Variants in EDIL3 observed in about 807,000 individuals in gnomAD.
The protein encoded by EDIL3 is EGF like and discoidin domains 3.
A neutral mutation model predicts 67.4 loss-of-function variants in EDIL3; 37 were observed. The observed-to-expected ratio is 0.55, with a 90% CI of 0.42 to 0.72. The LOEUF is 0.72. EDIL3 is among the 30% of genes least tolerant of loss of function. The pLI is 0.00. For synonymous variants in EDIL3, 195 were observed against 196.3 expected (o/e 0.99, Z 0.05); for missense variants, 527 against 586.3 (o/e 0.90, Z 1.04).
intron 6 of EDIL3, among the ~76,000 whole-genome samples, chr5:84,070,501 G>T (rs973876635): frequency 6.6e-6 from 1 of 152,136 alleles, no homozygotes; most frequent in Non-Finnish European, 1.5e-5. Flanking sequence ...TTGCAAGGGG[G>T]ACAAGGGAAC....
At chr5:84,000,552 A>G (rs1256008736) in intron 9 of EDIL3, among the ~76,000 whole-genome samples, 3 of 152,078 alleles carry the variant, frequency 2.0e-5, no homozygotes, top group African/African-American at 7.2e-5. Flanking sequence ...GTAATCTCAA[A>G]TCAAAACACC....
At chr5:84,125,379 G>A (rs1318414579) in intron 5 of EDIL3, among the ~76,000 whole-genome samples, 1 of 151,938 alleles carries the variant, frequency 6.6e-6, no homozygotes, top group African/African-American at 2.4e-5. Flanking sequence ...GTTTTTAGAC[G>A]ATAAGTCATT....
At chr5:84,211,405 G>A (rs929893062) in intron 3 of EDIL3, among the ~76,000 whole-genome samples, 15 of 152,152 alleles carry the variant, frequency 9.9e-5, no homozygotes, top group African/African-American at 3.4e-4. Flanking sequence ...TATGCTTCTT[G>A]TACAACCTGC....
intron 1 of EDIL3, among the ~76,000 whole-genome samples, chr5:84,313,421 C>G (rs1746444734): frequency 6.6e-6 from 1 of 152,124 alleles, no homozygotes; most frequent in African/African-American, 2.4e-5. Flanking sequence ...GGTCACAGAA[C>G]ATAAAACTCA....
chr5:84,317,714 T>C (rs1746544480), intron 1 of EDIL3, among the ~76,000 whole-genome samples: 1 of 152,154 alleles, frequency 6.6e-6, no homozygotes, highest in Non-Finnish European at 1.5e-5. Flanking sequence ...TCATACTGAA[T>C]GGGCAAAAAC....
rs1468750363 is a variant in EDIL3 at position 84,189,086 on chromosome 5, C to T, written c.227-8565G>A. ...CCAGAGTTTTATGTATTAGAATCGG[C>T]TGGCAAAGCACTCATATTATCAGTA... is the stretch of plus-strand genomic sequence containing the variant. On this transcript the variant is annotated intron_variant, in intron 3 of 10. Transcript: ENST00000296591. 2.6e-5 allele frequency among the ~76,000 whole-genome samples: 4 copies of T among 151,954 alleles called. No homozygotes were observed. In the East Asian group the frequency reaches 7.7e-4, roughly 29 times the overall value.
At chr5:83,956,137 A>T (rs1046935113) in intron 10 of EDIL3, among the ~76,000 whole-genome samples, 7 of 151,640 alleles carry the variant, frequency 4.6e-5, no homozygotes, top group Non-Finnish European at 7.4e-5. Flanking sequence ...TTGCACTTAC[A>T]TTGGGCACTA....
rs187947420 is a variant in EDIL3, at chr5:84,183,861, C to A, written c.227-3340G>T. Among the ~76,000 whole-genome samples, 710 of 152,202 alleles carry A rather than the reference C, an allele frequency of 4.7e-3. 2 individuals carry two copies. Among genetic ancestry groups the A allele is most frequent in the Non-Finnish European group, 7.5e-3 (509 of 67,988 alleles). ...TGGCTCACGCCTGTAATCCCAGCAT[C>A]TTGGGAGGCAGAGGTGGGTGGATAA... On this transcript the variant is annotated intron_variant, in intron 3 of 10. Transcript: ENST00000296591.
At chr5:84,219,020 C>T (rs940154004) in intron 3 of EDIL3, among the ~76,000 whole-genome samples, 1 of 152,164 alleles carries the variant, frequency 6.6e-6, no homozygotes, top group African/African-American at 2.4e-5. Flanking sequence ...ACAAGGTAGC[C>T]AGGCAGTGGT....
chr5:84,315,167 A>T (rs986221856), intron 1 of EDIL3, among the ~76,000 whole-genome samples: 1 of 152,180 alleles, frequency 6.6e-6, no homozygotes, highest in Non-Finnish European at 1.5e-5. Flanking sequence ...TTTCTCAATG[A>T]TTGAGATAAT....
intron 6 of EDIL3, among the ~76,000 whole-genome samples, chr5:84,067,930 C>A (rs1746672582): frequency 1.3e-5 from 2 of 152,158 alleles, no homozygotes; most frequent in Admixed American, 1.3e-4. Flanking sequence ...CTCAGATATC[C>A]AAGTTAGGTT....
At chr5:84,000,575 G>A (rs1248233643) in intron 9 of EDIL3, among the ~76,000 whole-genome samples, 1 of 151,358 alleles carries the variant, frequency 6.6e-6, no homozygotes, top group African/African-American at 2.4e-5. Context: ...CAAAAAAAAA[G>A]AGCAAGAAAT....
chr5:84,247,532 CTG>C (rs1561234067), intron 2 of EDIL3, among the ~76,000 whole-genome samples: 2 of 152,050 alleles, frequency 1.3e-5, no homozygotes, highest in East Asian at 3.9e-4. Flanking sequence ...GTATGACAGT[CTG>C]TATTTTCTGG....
intron 1 of EDIL3, among the ~76,000 whole-genome samples, chr5:84,375,194 T>G (rs1747942425): frequency 1.3e-5 from 2 of 152,076 alleles, no homozygotes. Flanking sequence ...ATGGTCTCGA[T>G]CTCTTGACCT....
intron 5 of EDIL3, among the ~76,000 whole-genome samples, chr5:84,109,071 T>C (rs538100111): frequency 1.8e-4 from 28 of 152,170 alleles, no homozygotes; most frequent in Non-Finnish European, 4.0e-4. Context: ...ATCAGGAAAC[T>C]CATTGACTTT....
chr5:84,346,313 T>A (rs1246293317), intron 1 of EDIL3, among the ~76,000 whole-genome samples: 2 of 152,046 alleles, frequency 1.3e-5, no homozygotes, highest in East Asian at 3.9e-4. Context: ...GAGGTTCTTA[T>A]TGTCTCTGTT....
At chr5:83,950,576 A>G (rs1744399046) in intron 10 of EDIL3, among the ~76,000 whole-genome samples, 1 of 151,852 alleles carries the variant, frequency 6.6e-6, no homozygotes, top group Non-Finnish European at 1.5e-5. Flanking sequence ...CAATCCATTG[A>G]AATTTGTTTA....
intron 10 of EDIL3, among the ~76,000 whole-genome samples, chr5:83,946,449 G>A (rs1744311471): frequency 6.6e-6 from 1 of 151,826 alleles, no homozygotes; most frequent in Non-Finnish European, 1.5e-5. Context: ...GAAGATAAGA[G>A]AAAGAAAAAT....
intron 9 of EDIL3, among the ~76,000 whole-genome samples, chr5:84,048,736 G>T (rs565699895): frequency 3.3e-5 from 5 of 151,824 alleles, no homozygotes; most frequent in African/African-American, 7.2e-5. Flanking sequence ...CCACCAATAC[G>T]GCAATGAATA....
Sources: allele counts gnomAD v4.1 joint callset (sites outside exome capture counted in the v4.1 genomes callset), GRCh38; gene constraint gnomAD v4.1.1; transcripts MANE v1.5; gene names NCBI Gene and HGNC (gene_info 2026-07-23, HGNC 2026-07-21).